TBC1D32: variants seen among roughly 807,000 people sequenced by gnomAD.
The protein encoded by TBC1D32 is TBC1 domain family member 32.
In TBC1D32, 151 loss-of-function variants were observed where a neutral mutation model predicts 170.3. That is an observed-to-expected ratio of 0.89 (90% CI 0.78 to 1.01). TBC1D32 has a LOEUF of 1.01. Ranked by LOEUF, TBC1D32 falls within the 50% of genes least tolerant of loss-of-function variation. The pLI is 0.00. For missense variants in TBC1D32, 1,464 were observed against 1,457.1 expected (o/e 1.00, Z -0.08); for synonymous variants, 498 against 488.0 (o/e 1.02, Z -0.27).
At chr6:121,095,253 C>G (rs1171346533) in intron 30 of TBC1D32, among the ~76,000 whole-genome samples, 1 of 152,074 alleles carries the variant, frequency 6.6e-6, no homozygotes, top group African/African-American at 2.4e-5. Context: ...CAATTTTGTT[C>G]TTGAACCATA....
intron 20 of TBC1D32, among the ~76,000 whole-genome samples, chr6:121,237,237 G>A (rs1796438778): frequency 6.6e-6 from 1 of 151,756 alleles, no homozygotes; most frequent in African/African-American, 2.4e-5. Context: ...TTCCACTATT[G>A]TAATGAGATA....
chr6:121,188,345 A>G (rs749910577), intron 22 of TBC1D32, among the ~76,000 whole-genome samples: 6 of 152,154 alleles, frequency 3.9e-5, no homozygotes, highest in Non-Finnish European at 8.8e-5. Flanking sequence ...TGTAATTATT[A>G]ACTCCAAGGA....
At chr6:121,217,217 C>T (rs1306801410) in intron 21 of TBC1D32, among the ~76,000 whole-genome samples, 1 of 152,202 alleles carries the variant, frequency 6.6e-6, no homozygotes, top group African/African-American at 2.4e-5. Flanking sequence ...TCCTGGTATG[C>T]AGCCACTGAC....
At chr6:121,189,027 T>C (rs1583140956) in intron 22 of TBC1D32, among the ~76,000 whole-genome samples, 1 of 152,200 alleles carries the variant, frequency 6.6e-6, no homozygotes, top group African/African-American at 2.4e-5. Flanking sequence ...TTATCTCTAA[T>C]GTAACAAAAC....
chr6:121,102,123 T>C (rs980802783), intron 30 of TBC1D32, among the ~76,000 whole-genome samples: 3 of 152,160 alleles, frequency 2.0e-5, no homozygotes, highest in Non-Finnish European at 2.9e-5. Context: ...TCCATGCTCA[T>C]GGATAGGAAG....
chr6:121,234,627 G>GT (rs991124968), intron 20 of TBC1D32, among the ~76,000 whole-genome samples: 2 of 151,926 alleles, frequency 1.3e-5, no homozygotes, highest in Non-Finnish European at 2.9e-5. Context: ...CCTGTATCAT[G>GT]TTTTTTATTT....
At chr6:121,261,979 T>A (rs1799826183) in intron 15 of TBC1D32, among the ~76,000 whole-genome samples, 1 of 152,052 alleles carries the variant, frequency 6.6e-6, no homozygotes, top group South Asian at 2.1e-4. Context: ...ACGAAAACTC[T>A]GTGAATCATA....
chr6:121,160,179 T>C (rs1785435741), intron 23 of TBC1D32, 76 bp from the exon 24 acceptor site: 1 of 1,007,978 alleles, frequency 9.9e-7, no homozygotes, highest in Non-Finnish European at 1.5e-6. Context: ...TCTGAAATAT[T>C]GTTAACTTAA....
At chr6:121,252,601 G>C (rs1324879527) in intron 17 of TBC1D32, among the ~76,000 whole-genome samples, 1 of 152,080 alleles carries the variant, frequency 6.6e-6, no homozygotes, top group African/African-American at 2.4e-5. Context: ...GAGAGCATTA[G>C]GACAAATACC....
chr6:121,190,097 C>T, intron 22 of TBC1D32, among the ~76,000 whole-genome samples: 1 of 142,386 alleles, frequency 7.0e-6, no homozygotes, highest in Non-Finnish European at 1.6e-5. Flanking sequence ...CACACACACA[C>T]ACACACACAC....
At chr6:121,110,578 T>C (rs961315990) in intron 29 of TBC1D32, among the ~76,000 whole-genome samples, 3 of 152,124 alleles carry the variant, frequency 2.0e-5, no homozygotes, top group African/African-American at 4.8e-5. Context: ...TATCAACAGC[T>C]ATAGCCAATG....
At chr6:121,124,060 GT>G (rs1273144684) in intron 26 of TBC1D32, among the ~76,000 whole-genome samples, 1 of 151,862 alleles carries the variant, frequency 6.6e-6, no homozygotes, top group East Asian at 1.9e-4. Flanking sequence ...TTAAAAAATT[GT>G]TGTAGTTATC....
chr6:121,080,988 T>C, intron 31 of TBC1D32, 98 bp from the exon 32 acceptor site: 2 of 1,435,632 alleles, frequency 1.4e-6, no homozygotes, highest in East Asian at 2.4e-5. Flanking sequence ...TATTTTCAGC[T>C]ATAGATGGGG....
chr6:121,330,955 G>A (rs917785608), intron 1 of TBC1D32, among the ~76,000 whole-genome samples: 2 of 152,182 alleles, frequency 1.3e-5, no homozygotes, highest in Non-Finnish European at 2.9e-5. Context: ...ATCTTTTAGA[G>A]AGTGTATACA....
chr6:121,113,202 A>G (rs1470941495), intron 27 of TBC1D32, 25 bp from the exon 28 acceptor site: 15 of 1,467,612 alleles, frequency 1.0e-5, no homozygotes, highest in Non-Finnish European at 1.3e-5. Flanking sequence ...CACAAAACAT[A>G]AAACATATCA....
At chr6:121,103,141 G>A (rs1343666670) in intron 30 of TBC1D32, among the ~76,000 whole-genome samples, 1 of 152,098 alleles carries the variant, frequency 6.6e-6, no homozygotes, top group Non-Finnish European at 1.5e-5. Context: ...TGGTGGGACT[G>A]TAAACTAGTT....
At chr6:121,157,873 T>G (rs1785109597) in intron 24 of TBC1D32, among the ~76,000 whole-genome samples, 1 of 152,168 alleles carries the variant, frequency 6.6e-6, no homozygotes, top group Non-Finnish European at 1.5e-5. Flanking sequence ...AAAAGTCTGT[T>G]GCTAGCATGA....
intron 3 of TBC1D32, among the ~76,000 whole-genome samples, chr6:121,311,236 T>G (rs1808147982): frequency 6.6e-6 from 1 of 152,208 alleles, no homozygotes; most frequent in Non-Finnish European, 1.5e-5. Context: ...CTGTTTGGAC[T>G]GTTCTGTTCT....
chr6:121,127,616 G>A (rs984233339), intron 25 of TBC1D32, among the ~76,000 whole-genome samples: 2 of 151,992 alleles, frequency 1.3e-5, no homozygotes, highest in Non-Finnish European at 1.5e-5. Flanking sequence ...AAATTAAATA[G>A]CCCTCAGGTG....
Sources: allele counts gnomAD v4.1 joint callset (sites outside exome capture counted in the v4.1 genomes callset), GRCh38; gene constraint gnomAD v4.1.1; transcripts MANE v1.5; gene names NCBI Gene and HGNC (gene_info 2026-07-23, HGNC 2026-07-21).